The following DLGAP2 variants were observed in gnomAD, a reference collection of about 807,000 sequenced individuals.
DLGAP2 encodes disks large-associated protein 2.
A neutral mutation model predicts 100.3 loss-of-function variants in DLGAP2; 26 were observed. That is an observed-to-expected ratio of 0.26 (90% CI 0.19 to 0.36). The LOEUF (loss-of-function observed/expected upper bound fraction) is 0.36, where lower values mean the gene tolerates loss of function less well. Among genes scored for constraint, DLGAP2 ranks in the 10% least tolerant of loss-of-function variants. The pLI is 1.00. For synonymous variants in DLGAP2, 886 were observed against 630.1 expected, an observed-to-expected ratio of 1.41 and a Z score of -6.08; for missense variants, 1,858 against 1,453.2, an observed-to-expected ratio of 1.28 and a Z score of -4.53.
chr8:792,631 G>T (rs1169462407), intron 1 of DLGAP2, among the ~76,000 whole-genome samples: 2 of 152,176 alleles, frequency 1.3e-5, no homozygotes, highest in African/African-American at 4.8e-5. Flanking sequence ...AACATTGTTT[G>T]TATCTCTGTG....
chr8:1,479,130 G>A (rs541644506), intron 3 of DLGAP2, among the ~76,000 whole-genome samples: 108 of 152,386 alleles, frequency 7.1e-4, no homozygotes, highest in Non-Finnish European at 1.3e-3. Context: ...GCAACGCTGG[G>A]ACAGCAGCCA....
chr8:1,073,713 T>G (rs1003045644), intron 2 of DLGAP2, among the ~76,000 whole-genome samples: 2 of 152,174 alleles, frequency 1.3e-5, no homozygotes, highest in African/African-American at 4.8e-5. Flanking sequence ...GGCCAGTGCT[T>G]TCCACAAACA....
chr8:1,168,495 CAACAGTGT>C (rs1239555913), intron 2 of DLGAP2, among the ~76,000 whole-genome samples: 2 of 148,806 alleles, frequency 1.3e-5, no homozygotes, highest in Non-Finnish European at 3.0e-5. Context: ...ACAGTCCCAC[CAACAGTGT>C]AAAAGTTTTC....
intron 2 of DLGAP2, among the ~76,000 whole-genome samples, chr8:988,971 C>G (rs1476143712): frequency 6.6e-6 from 1 of 152,198 alleles, no homozygotes; most frequent in East Asian, 1.9e-4. Context: ...TCTCAGGTCA[C>G]CTCCTCTCCG....
intron 3 of DLGAP2, among the ~76,000 whole-genome samples, chr8:1,475,029 A>C (rs1798893805): frequency 6.6e-6 from 1 of 152,238 alleles, no homozygotes; most frequent in African/African-American, 2.4e-5. Flanking sequence ...GTGCATACAC[A>C]CCATGGAATA....
At chr8:1,386,514 T>C (rs1796224338) in intron 3 of DLGAP2, among the ~76,000 whole-genome samples, 1 of 152,198 alleles carries the variant, frequency 6.6e-6, no homozygotes, top group South Asian at 2.1e-4. Context: ...AAGTGGTGGC[T>C]GCTCCGGAGC....
In DLGAP2 at chr8:744,615, C is replaced by T. The variant is rs559485785; in HGVS notation, c.18+6790C>T. On this transcript the variant is annotated intron_variant, in intron 1 of 14. Transcript: ENST00000637795. The stretch of plus-strand genomic sequence containing the variant: ...CCACGGTCACTCCCTGCCTCTTCTC[C>T]GGCCACGTCGCCCTCCCGGGGTGCT... Among the ~76,000 whole-genome samples, 1,140 of 145,448 alleles carry T rather than the reference C, an allele frequency of 7.8e-3. 30 individuals are homozygous for T. The highest frequency in any genetic ancestry group is 0.028 in the African/African-American group (1,065 of 37,724).
chr8:1,133,008 C>G (rs1255191459), intron 2 of DLGAP2, among the ~76,000 whole-genome samples: 2 of 152,202 alleles, frequency 1.3e-5, no homozygotes, highest in Non-Finnish European at 2.9e-5. Flanking sequence ...TGTGTCTTCA[C>G]TTCCCCCTAA....
chr8:1,227,452 A>T (rs986482938), intron 2 of DLGAP2, among the ~76,000 whole-genome samples: 5 of 150,870 alleles, frequency 3.3e-5, no homozygotes, highest in African/African-American at 1.2e-4. Context: ...CACATGTGAG[A>T]TGAATCTCTT....
Position 1,548,874 on chromosome 8 carries a change from G to T in DLGAP2, c.421G>T (p.Val141Leu), listed in dbSNP as rs374377737. The T allele has an allele frequency of 4.1e-5, 66 of 1,593,112 alleles. No homozygotes were observed. The African/African-American group carries it at 7.4e-4, about 18-fold the overall frequency. The change falls in exon 5 of 15, where the codon GTG becomes TTG. Residue 141 changes from valine (V) to leucine (L), a missense_variant. Val to Leu is a conservative substitution (Grantham distance 32). Transcript: ENST00000637795. The part of the protein sequence containing the change: ...GRHRCSPRSS[V>L]HSECVMMPVV... ...CCACCGCTGCTCGCCGCGCAGCTCG[G>T]TGCACTCGGAGTGCGTGATGATGCC...
chr8:1,639,406 GC>G (rs1487882261), intron 8 of DLGAP2, among the ~76,000 whole-genome samples: 1 of 152,142 alleles, frequency 6.6e-6, no homozygotes, highest in Non-Finnish European at 1.5e-5. Flanking sequence ...GTCCTGGAAG[GC>G]TGCTGCGAGG....
chr8:1,573,013 G>C (rs1802801941), intron 6 of DLGAP2, among the ~76,000 whole-genome samples: 1 of 93,520 alleles, frequency 1.1e-5, no homozygotes, highest in Non-Finnish European at 2.2e-5. Context: ...GGGATGGAGA[G>C]GAGAGAGGGT....
rs186320341 is a variant in DLGAP2 at position 1,269,613 on chromosome 8, A to G, written c.106+10730A>G. 2.9e-3 allele frequency among the ~76,000 whole-genome samples: 438 copies of G among 152,244 alleles called. 4 individuals are homozygous for G. Among genetic ancestry groups the G allele is most frequent in the African/African-American group, 0.01 (418 of 41,534 alleles). On this transcript the variant is annotated intron_variant, in intron 3 of 14. Coordinates refer to ENST00000637795, the MANE Select transcript of DLGAP2 (RefSeq NM_001346810.2). The stretch of plus-strand genomic sequence containing the variant: ...GGTACATCTAACAATAATGTTACCC[A>G]TTACGAAGGAGTGAAATGTCTGCAG...
intron 2 of DLGAP2, among the ~76,000 whole-genome samples, chr8:1,184,341 G>A (rs532424606): frequency 2.0e-5 from 3 of 152,354 alleles, no homozygotes; most frequent in East Asian, 1.9e-4. Context: ...CGTCCGAAAC[G>A]CAGACTGGAG....
intron 1 of DLGAP2, among the ~76,000 whole-genome samples, chr8:867,741 C>G (rs184690352): frequency 2.0e-5 from 3 of 152,150 alleles, no homozygotes; most frequent in Non-Finnish European, 4.4e-5. Context: ...TTTCTCAGTG[C>G]GTAATTCCTG....
intron 2 of DLGAP2, among the ~76,000 whole-genome samples, chr8:1,233,336 G>A (rs142417553): frequency 1.3e-5 from 2 of 152,312 alleles, no homozygotes; most frequent in Non-Finnish European, 2.9e-5. Flanking sequence ...GATGAGTCAG[G>A]CCTGGCCTGT....
chr8:831,791 C>A (rs1350513163), intron 1 of DLGAP2, among the ~76,000 whole-genome samples: 2 of 152,220 alleles, frequency 1.3e-5, no homozygotes, highest in Admixed American at 1.3e-4. Context: ...AATGGCCACA[C>A]TGTCTTTCAC....
At chr8:897,282 A>G (rs1798160847) in intron 1 of DLGAP2, among the ~76,000 whole-genome samples, 1 of 152,110 alleles carries the variant, frequency 6.6e-6, no homozygotes, top group Non-Finnish European at 1.5e-5. Context: ...TCTTTCTCCA[A>G]ACCCTGTTTG....
chr8:1,357,252 C>T (rs1444727982), intron 3 of DLGAP2, among the ~76,000 whole-genome samples: 6 of 152,004 alleles, frequency 3.9e-5, no homozygotes, highest in Non-Finnish European at 5.9e-5. Context: ...CAGAGTGTGC[C>T]GGTCCTCGGA....
Sources: allele counts gnomAD v4.1 joint callset (sites outside exome capture counted in the v4.1 genomes callset), GRCh38; gene constraint gnomAD v4.1.1; transcripts MANE v1.5; gene names NCBI Gene and HGNC (gene_info 2026-07-23, HGNC 2026-07-21).